MGAT4C: variants seen among roughly 807,000 people sequenced by gnomAD.
MGAT4C encodes alpha-1,3-mannosyl-glycoprotein 4-beta-N-acetylglucosaminyltransferase C.
A neutral mutation model predicts 40.1 loss-of-function variants in MGAT4C; 19 were observed. The observed-to-expected ratio is 0.47, with a 90% CI of 0.33 to 0.70. MGAT4C has a LOEUF of 0.70. Ranked by LOEUF, MGAT4C falls within the 30% of genes least tolerant of loss-of-function variation. MGAT4C has a pLI of 0.02. For missense variants in MGAT4C, 491 were observed against 563.2 expected (o/e 0.87, Z 1.30); for synonymous variants, 181 against 187.1 (o/e 0.97, Z 0.27).
At chr12:86,703,610 T>C (rs1038617848) in intron 2 of MGAT4C, among the ~76,000 whole-genome samples, 2 of 152,192 alleles carry the variant, frequency 1.3e-5, no homozygotes, top group Admixed American at 1.3e-4. Flanking sequence ...TTAAATGTAA[T>C]GCTATTGCAC....
chr12:86,183,340 C>A (rs540919399), intron 1 of MGAT4C, among the ~76,000 whole-genome samples: 80 of 152,124 alleles, frequency 5.3e-4, no homozygotes, highest in Admixed American at 9.2e-4. Flanking sequence ...AGGACTGGCT[C>A]TGCTACATAT....
In MGAT4C at chr12:85,977,485, G is replaced by A. The variant is rs1884079441; in HGVS notation, c.*1804C>T. The A allele has an allele frequency of 1.3e-5, 2 of 151,272 alleles. No individual in the cohort carries two copies. Among genetic ancestry groups the A allele is most frequent in the South Asian group, 4.1e-4 (2 of 4,830 alleles). 9.4% of individuals were successfully genotyped at this position (151,272 alleles called of 1,614,324 possible). A position where few individuals can be genotyped will look rare whatever the true frequency, so the allele number is the denominator to read the frequency against. On this transcript the variant is annotated 3_prime_UTR_variant, in exon 5 of 5. Coordinates refer to ENST00000611864, the MANE Select transcript of MGAT4C (RefSeq NM_001351288.2). ...TGTTCATATTTTCCTATGACTGTAA[G>A]ATTTAGGTGCCTCACAAAATATTAA...
intron 1 of MGAT4C, among the ~76,000 whole-genome samples, chr12:86,730,989 A>G (rs1950898703): frequency 6.6e-6 from 1 of 152,244 alleles, no homozygotes; most frequent in South Asian, 2.1e-4. Flanking sequence ...ACAGAGAGAC[A>G]GTAATTTGCT....
At chr12:86,748,450 C>G (rs1206347332) in intron 1 of MGAT4C, among the ~76,000 whole-genome samples, 2 of 151,612 alleles carry the variant, frequency 1.3e-5, no homozygotes, top group African/African-American at 4.8e-5. Context: ...GGCTCATGTA[C>G]CTAACATGCA....
intron 1 of MGAT4C, among the ~76,000 whole-genome samples, chr12:86,743,576 G>A (rs1027110766): frequency 2.0e-5 from 3 of 151,380 alleles, no homozygotes; most frequent in Admixed American, 6.6e-5. Context: ...CTAATTAGCC[G>A]GATAGTATGA....
At chr12:86,764,168 T>A (rs1951457049) in intron 1 of MGAT4C, among the ~76,000 whole-genome samples, 1 of 152,116 alleles carries the variant, frequency 6.6e-6, no homozygotes, top group African/African-American at 2.4e-5. Context: ...CCGAATACTG[T>A]GCTTTTCTGA....
At chr12:86,564,808 C>G (rs553971602) in intron 2 of MGAT4C, among the ~76,000 whole-genome samples, 3 of 152,214 alleles carry the variant, frequency 2.0e-5, no homozygotes, top group African/African-American at 2.4e-5. Flanking sequence ...GAAAGGCTGC[C>G]AGTTTTGAGT....
intron 1 of MGAT4C, among the ~76,000 whole-genome samples, chr12:86,144,158 G>T (rs1279527001): frequency 6.6e-6 from 1 of 152,092 alleles, no homozygotes; most frequent in African/African-American, 2.4e-5. Context: ...TGTACTTTAC[G>T]TTTTTTACAT....
At chr12:86,833,653 A>C (rs776994843) in intron 1 of MGAT4C, among the ~76,000 whole-genome samples, 10 of 151,918 alleles carry the variant, frequency 6.6e-5, no homozygotes, top group Non-Finnish European at 1.2e-4. Flanking sequence ...TCATTAATGA[A>C]CCCATCTACA....
chr12:86,128,602 CA>C (rs1247365354), intron 1 of MGAT4C, among the ~76,000 whole-genome samples: 1 of 152,054 alleles, frequency 6.6e-6, no homozygotes, highest in Admixed American at 6.6e-5. Flanking sequence ...GACTAATAGG[CA>C]TGACTATATA....
At chr12:86,466,472 T>C (rs550488254) in intron 2 of MGAT4C, among the ~76,000 whole-genome samples, 1 of 152,272 alleles carries the variant, frequency 6.6e-6, no homozygotes, top group African/African-American at 2.4e-5. Flanking sequence ...GTCCTACCAT[T>C]TGACATTCTG....
intron 2 of MGAT4C, among the ~76,000 whole-genome samples, chr12:86,456,354 G>T (rs1957511761): frequency 6.6e-6 from 1 of 152,092 alleles, no homozygotes; most frequent in African/African-American, 2.4e-5. Flanking sequence ...TTATTAAAAT[G>T]AGTAACAGAG....
chr12:86,039,538 T>G (rs1295766820), intron 2 of MGAT4C, among the ~76,000 whole-genome samples: 3 of 152,208 alleles, frequency 2.0e-5, no homozygotes, highest in African/African-American at 7.2e-5. Context: ...GTATGCTTCA[T>G]GAAGTTCTCG....
intron 2 of MGAT4C, among the ~76,000 whole-genome samples, chr12:86,630,861 T>C (rs1267731380): frequency 6.6e-6 from 1 of 152,174 alleles, no homozygotes; most frequent in Non-Finnish European, 1.5e-5. Context: ...GGATGCCGTC[T>C]TTCACCATTC....
At chr12:86,075,206 A>G (rs1354515726) in intron 1 of MGAT4C, among the ~76,000 whole-genome samples, 1 of 152,214 alleles carries the variant, frequency 6.6e-6, no homozygotes, top group East Asian at 1.9e-4. Context: ...GCCATTCCAA[A>G]TGGGAGAAAT....
At chr12:86,273,500 T>C (rs1452413244) in intron 4 of MGAT4C, among the ~76,000 whole-genome samples, 3 of 152,120 alleles carry the variant, frequency 2.0e-5, no homozygotes, top group Non-Finnish European at 2.9e-5. Context: ...CAAACAAATA[T>C]ATACAGGAAG....
intron 1 of MGAT4C, among the ~76,000 whole-genome samples, chr12:86,746,444 A>G (rs1371886439): frequency 4.0e-5 from 6 of 151,524 alleles, no homozygotes; most frequent in Non-Finnish European, 8.9e-5. Context: ...GTACTGGACT[A>G]CCCTTGTAAT....
intron 2 of MGAT4C, 142 bp downstream of exon 2, chr12:86,049,532 T>C (rs1481326401): frequency 4.4e-6 from 1 of 227,696 alleles, no homozygotes; most frequent in Non-Finnish European, 7.3e-6. Flanking sequence ...ATTGAAGAAA[T>C]AACATAAAAC....
Position 86,561,617 on chromosome 12 carries a change from A to G in MGAT4C, c.-228-126352T>C, listed in dbSNP as rs142795753. Among the ~76,000 whole-genome samples, 8 of 152,218 alleles carry G rather than the reference A, an allele frequency of 5.3e-5. No homozygotes were observed. The East Asian group carries it at 1.2e-3, about 22-fold the overall frequency. On this transcript the variant is annotated intron_variant, in intron 2 of 7. Transcript: ENST00000548651. Reference sequence around the variant, plus strand: ...GACCCAGATTGAAGGCTCCACTCATAGTATTTCTAATTTTGAGATTTTGGG... The same window carrying G: ...GACCCAGATTGAAGGCTCCACTCATGGTATTTCTAATTTTGAGATTTTGGG...
Sources: gnomAD v4.1 joint callset for allele counts (sites outside exome capture counted in the v4.1 genomes callset) on GRCh38, gnomAD v4.1.1 for gene constraint, MANE v1.5 for transcripts, NCBI Gene and HGNC (gene_info 2026-07-23, HGNC 2026-07-21) for gene names.